The following LARGE1 variants were observed in gnomAD, a reference collection of about 807,000 sequenced individuals.
LARGE1 encodes LARGE xylosyl- and glucuronyltransferase 1, also known as xylosyl- and glucuronyltransferase LARGE1.
LARGE1 carries 43 observed loss-of-function variants against 87.6 expected under a neutral mutation model. That is an observed-to-expected ratio of 0.49 (90% CI 0.38 to 0.63). The LOEUF (loss-of-function observed/expected upper bound fraction) is 0.63. LARGE1 is among the 30% of genes least tolerant of loss of function. LARGE1 has a pLI of 0.00. For missense variants in LARGE1, 802 were observed against 1,000.2 expected, an observed-to-expected ratio of 0.80 and a Z score of 2.67; for synonymous variants, 434 against 394.6, an observed-to-expected ratio of 1.10 and a Z score of -1.18.
chr22:33,072,283 A>G, the LARGE1 span, among the ~76,000 whole-genome samples: 1 of 152,052 alleles, frequency 6.6e-6, no homozygotes, highest in Admixed American at 6.6e-5. Context: ...GAGGAGGAGG[A>G]GGAGAAGGAG....
At chr22:33,633,379 C>CT (rs796550948) in intron 3 of LARGE1, among the ~76,000 whole-genome samples, 53 of 152,326 alleles carry the variant, frequency 3.5e-4, no homozygotes, top group African/African-American at 1.0e-3. Flanking sequence ...CCAGCCTGGA[C>CT]TTGTGACTCT....
At chr22:33,100,004 T>C in the LARGE1 span, among the ~76,000 whole-genome samples, 7 of 152,262 alleles carry the variant, frequency 4.6e-5, no homozygotes, top group African/African-American at 1.7e-4. Flanking sequence ...CTCTGTACTG[T>C]CTAAAATGGT....
intron 2 of LARGE1, among the ~76,000 whole-genome samples, chr22:33,677,098 G>C (rs986262990): frequency 2.0e-5 from 3 of 152,080 alleles, no homozygotes; most frequent in Non-Finnish European, 4.4e-5. Context: ...CAGCTCACAA[G>C]TGGCAGGGCC....
intron 9 of LARGE1, among the ~76,000 whole-genome samples, chr22:33,371,378 T>G (rs1376111028): frequency 6.6e-6 from 1 of 152,230 alleles, no homozygotes; most frequent in Non-Finnish European, 1.5e-5. Flanking sequence ...TGTATTTGTT[T>G]CTGCTACATG....
At chr22:33,476,555 T>C (rs762448815) in intron 6 of LARGE1, among the ~76,000 whole-genome samples, 4 of 152,220 alleles carry the variant, frequency 2.6e-5, no homozygotes, top group Non-Finnish European at 5.9e-5. Context: ...CAGGACTTCC[T>C]GAGGCTGTGT....
At chr22:33,684,294 G>A (rs565738772) in intron 2 of LARGE1, among the ~76,000 whole-genome samples, 7 of 151,990 alleles carry the variant, frequency 4.6e-5, no homozygotes, top group South Asian at 4.2e-4. Context: ...ACAAATTTAC[G>A]TAAGAGAAAC....
intron 10 of LARGE1, among the ~76,000 whole-genome samples, chr22:33,326,827 T>C (rs932450158): frequency 1.3e-5 from 2 of 152,290 alleles, no homozygotes; most frequent in Admixed American, 6.5e-5. Context: ...AAGTTGCAGC[T>C]GAACAGGATC....
chr22:33,880,599 T>C (rs891596768), intron 1 of LARGE1, among the ~76,000 whole-genome samples: 5 of 152,156 alleles, frequency 3.3e-5, no homozygotes, highest in Non-Finnish European at 5.9e-5. Flanking sequence ...AGCTACGTTC[T>C]GGTCATTTCA....
chr22:33,740,226 C>T (rs1283782215), intron 2 of LARGE1, among the ~76,000 whole-genome samples: 1 of 152,202 alleles, frequency 6.6e-6, no homozygotes, highest in Non-Finnish European at 1.5e-5. Context: ...GAGGCATCTT[C>T]TTCCATGAAA....
intron 12 of LARGE1, among the ~76,000 whole-genome samples, chr22:33,302,506 G>A (rs551966413): frequency 6.6e-6 from 1 of 152,282 alleles, no homozygotes; most frequent in South Asian, 2.1e-4. Context: ...AACACAGGCT[G>A]CCTGACCTTG....
At chr22:33,730,777 G>A (rs1036148051) in intron 2 of LARGE1, among the ~76,000 whole-genome samples, 1 of 151,596 alleles carries the variant, frequency 6.6e-6, no homozygotes, top group South Asian at 2.1e-4. Flanking sequence ...TGCAACCTCC[G>A]CGCCTCCCTG....
At chr22:33,701,713 G>A (rs929309146) in intron 2 of LARGE1, among the ~76,000 whole-genome samples, 3 of 152,208 alleles carry the variant, frequency 2.0e-5, no homozygotes, top group African/African-American at 7.2e-5. Context: ...CCATGGCCAT[G>A]CCCAACTGCC....
At chr22:33,222,997 G>C (rs569395456) in intron 11 of LARGE1, among the ~76,000 whole-genome samples, 4 of 152,112 alleles carry the variant, frequency 2.6e-5, no homozygotes, top group Non-Finnish European at 4.4e-5. Flanking sequence ...GCTCGCTTAC[G>C]TGTTGTAAAG....
chr22:33,530,403 A>C lies in LARGE1; in HGVS notation c.787+34445T>G, dbSNP rs570062806. Among the ~76,000 whole-genome samples, 3 of 152,182 alleles carry C rather than the reference A, an allele frequency of 2.0e-5. No homozygotes were observed. The South Asian group carries it at 6.2e-4, about 32-fold the overall frequency. On this transcript the variant is annotated intron_variant, in intron 6 of 14. Transcript: ENST00000397394. ...TCTGGCCCAGAATTTGGAAACGTTA[A>C]GAAAACTCACTGAAAGCTAGCAAAC...
chr22:33,421,994 G>C (rs1026009032), intron 7 of LARGE1, among the ~76,000 whole-genome samples: 1 of 152,246 alleles, frequency 6.6e-6, no homozygotes, highest in Non-Finnish European at 1.5e-5. Context: ...GCCCATGGCA[G>C]TACTGCCAAG....
At chr22:33,922,484 C>T (rs1012669351), upstream of LARGE1, 3 of 152,154 alleles carry the variant, frequency 2.0e-5, no homozygotes, top group African/African-American at 7.2e-5. Flanking sequence ...TACCTAATCT[C>T]AGCGGCTGAC....
At chr22:33,248,153 A>G (rs1926850811) in intron 11 of LARGE1, among the ~76,000 whole-genome samples, 1 of 152,060 alleles carries the variant, frequency 6.6e-6, no homozygotes, top group African/African-American at 2.4e-5. Flanking sequence ...AGATACAGAG[A>G]GTTTCCATAC....
intron 1 of LARGE1, among the ~76,000 whole-genome samples, chr22:33,834,023 G>A (rs1025489101): frequency 1.3e-5 from 2 of 152,094 alleles, no homozygotes; most frequent in Non-Finnish European, 2.9e-5. Context: ...CTGGAATTCG[G>A]GGAAGCTGAA....
chr22:33,205,487 T>C (rs959670149), intron 11 of LARGE1, among the ~76,000 whole-genome samples: 1 of 152,128 alleles, frequency 6.6e-6, no homozygotes, highest in Non-Finnish European at 1.5e-5. Context: ...CATAAACAAA[T>C]AAATAAAAAG....
Sources: gnomAD v4.1 joint callset for allele counts (sites outside exome capture counted in the v4.1 genomes callset) on GRCh38, gnomAD v4.1.1 for gene constraint, MANE v1.5 for transcripts, NCBI Gene and HGNC (gene_info 2026-07-23, HGNC 2026-07-21) for gene names.